DCAF1: variants seen among roughly 807,000 people sequenced by gnomAD.
DCAF1 encodes the protein DDB1 and CUL4 associated factor 1, also known as DDB1- and CUL4-associated factor 1.
Under a neutral mutation model 128.0 loss-of-function variants are expected in DCAF1, and 15 were observed. The ratio of observed to expected loss-of-function variants is 0.12; its 90% CI spans 0.08 to 0.18. The LOEUF (loss-of-function observed/expected upper bound fraction) is 0.18. DCAF1 is among the 10% of genes least tolerant of loss of function. The probability of loss-of-function intolerance (pLI) is 1.00; values close to 1 mark genes in which losing one functional copy is unlikely to be tolerated. For missense variants in DCAF1, 988 were observed against 1,649.5 expected, an observed-to-expected ratio of 0.60 and a Z score of 6.95; for synonymous variants, 610 against 603.0, an observed-to-expected ratio of 1.01 and a Z score of -0.17.
chr3:51,480,158 T>C (rs1335572694), intron 3 of DCAF1, among the ~76,000 whole-genome samples: 1 of 149,826 alleles, frequency 6.7e-6, no homozygotes, highest in Non-Finnish European at 1.5e-5. Flanking sequence ...CAAACCTACC[T>C]ATGAAAGTCA....
Position 51,418,782 on chromosome 3 carries a change from C to T in DCAF1, c.3331G>A (p.Gly1111Ser). Residue 1111 changes from glycine to serine, a missense_variant, in exon 16 of 25, where the codon GGC (glycine) becomes AGC (serine). Coordinates refer to ENST00000684031, the MANE Select transcript of DCAF1 (RefSeq NM_001387579.1). ...AGCTTCAGCTGCCCTGTGCAGGTGCCAAGCATCAGGAACCGCTCCCGTGCT... is the reference window on the plus strand; with the variant it reads ...AGCTTCAGCTGCCCTGTGCAGGTGCTAAGCATCAGGAACCGCTCCCGTGCT... ...FSARERFLMLGTCTGQLKLYN... is the reference protein window; with the variant it reads ...FSARERFLMLSTCTGQLKLYN... 1.2e-6 allele frequency: 2 copies of T among 1,613,998 alleles called. No homozygotes were observed. Among genetic ancestry groups the T allele is most frequent in the Non-Finnish European group, 1.7e-6 (2 of 1,179,896 alleles).
chr3:51,447,136 G>A (rs1479261272), intron 6 of DCAF1, among the ~76,000 whole-genome samples: 1 of 151,970 alleles, frequency 6.6e-6, no homozygotes, highest in Non-Finnish European at 1.5e-5. Flanking sequence ...GCTGGGCATG[G>A]TGGCTCATGC....
At chr3:51,485,209 C>T (rs1706791680) in intron 2 of DCAF1, among the ~76,000 whole-genome samples, 1 of 152,200 alleles carries the variant, frequency 6.6e-6, no homozygotes, top group Non-Finnish European at 1.5e-5. Context: ...CCCACCGCGC[C>T]CAGCTCTGTT....
chr3:51,458,948 C>T (rs1393060714), intron 6 of DCAF1, among the ~76,000 whole-genome samples: 1 of 151,996 alleles, frequency 6.6e-6, no homozygotes, highest in African/African-American at 2.4e-5. Context: ...ACTAAATGCC[C>T]ACAAGAGAAA....
chr3:51,453,976 T>C (rs1354034491), intron 6 of DCAF1, among the ~76,000 whole-genome samples: 6 of 150,610 alleles, frequency 4.0e-5, no homozygotes, highest in Non-Finnish European at 8.9e-5. Flanking sequence ...AAGCAAGCTA[T>C]GGGACATACG....
At chr3:51,455,755 G>C (rs1289401367) in intron 6 of DCAF1, among the ~76,000 whole-genome samples, 2 of 152,084 alleles carry the variant, frequency 1.3e-5, no homozygotes, top group African/African-American at 2.4e-5. Context: ...AAATTTGCCA[G>C]GCATGGTGGC....
At chr3:51,497,038 T>C (rs1708302009) in intron 1 of DCAF1, among the ~76,000 whole-genome samples, 2 of 152,192 alleles carry the variant, frequency 1.3e-5, no homozygotes, top group African/African-American at 4.8e-5. Flanking sequence ...CTCATGCCTG[T>C]AATCCTAGCA....
intron 5 of DCAF1, among the ~76,000 whole-genome samples, chr3:51,466,358 T>A (rs1448636292): frequency 6.6e-6 from 1 of 152,070 alleles, no homozygotes; most frequent in African/African-American, 2.4e-5. Context: ...AACAAACCTA[T>A]CAGCCACAAT....
At chr3:51,477,091 C>CA (rs879983513) in intron 3 of DCAF1, among the ~76,000 whole-genome samples, 21 of 151,452 alleles carry the variant, frequency 1.4e-4, no homozygotes, top group Admixed American at 2.6e-4. Flanking sequence ...CAAAACAAAA[C>CA]AAAAAAAAGC....
intron 6 of DCAF1, among the ~76,000 whole-genome samples, chr3:51,461,204 C>T (rs1156498733): frequency 1.3e-5 from 2 of 151,858 alleles, no homozygotes; most frequent in Non-Finnish European, 2.9e-5. Context: ...TGAACTCAAA[C>T]AAATTTATAA....
upstream of DCAF1, among the ~76,000 whole-genome samples, chr3:51,503,584 A>T (rs1708870815): frequency 6.6e-6 from 1 of 152,128 alleles, no homozygotes; most frequent in Non-Finnish European, 1.5e-5. Flanking sequence ...GCTAGACAAG[A>T]CTGCTACTGC....
intron 2 of DCAF1, among the ~76,000 whole-genome samples, chr3:51,485,859 A>C (rs1319886690): frequency 2.6e-5 from 4 of 151,330 alleles, no homozygotes; most frequent in African/African-American, 9.7e-5. Flanking sequence ...TACCCCAAAA[A>C]TTGAACAAAA....
rs1222481665 is a variant in DCAF1 at position 51,403,400 on chromosome 3, T to G, written c.4213-5A>C. 2.6e-6 allele frequency: 4 copies of G among 1,551,920 alleles called. No homozygotes were observed. Among genetic ancestry groups the G allele is most frequent in the Non-Finnish European group, 3.5e-6 (4 of 1,147,020 alleles). On this transcript the variant is annotated splice_polypyrimidine_tract_variant and splice_region_variant and intron_variant, in intron 23 of 24. Transcript: ENST00000684031. The stretch of plus-strand genomic sequence containing the variant: ...TTCCTCCTGTTCTTCCTCTTCCTGG[T>G]AAGAAAGCGTAATGTTCATTAGTAC...
At chr3:51,497,612 T>A (rs1269094379) in intron 1 of DCAF1, among the ~76,000 whole-genome samples, 9 of 149,616 alleles carry the variant, frequency 6.0e-5, no homozygotes, top group African/African-American at 2.2e-4. Context: ...AAATTTTTTT[T>A]AAATTGACAG....
chr3:51,430,702 C>A (rs982606528), intron 10 of DCAF1, among the ~76,000 whole-genome samples: 5 of 152,130 alleles, frequency 3.3e-5, no homozygotes, highest in Non-Finnish European at 5.9e-5. Flanking sequence ...TTTTCTCTAT[C>A]TTAGCCATAA....
intron 2 of DCAF1, among the ~76,000 whole-genome samples, chr3:51,493,240 GTTT>G: frequency 6.6e-6 from 1 of 151,634 alleles, no homozygotes; most frequent in African/African-American, 2.4e-5. Context: ...GAGGTCGGGA[GTTT>G]AAGACCAGCC....
intron 1 of DCAF1, among the ~76,000 whole-genome samples, chr3:51,497,228 G>A (rs1553661402): frequency 1.3e-5 from 2 of 152,170 alleles, no homozygotes; most frequent in Non-Finnish European, 2.9e-5. Flanking sequence ...CTGGGAGGCA[G>A]AGGTTACAGT....
chr3:51,403,359 C>A lies in DCAF1; in HGVS notation c.4249G>T (p.Asp1417Tyr). ...EEQEEEDDDE[D>Y]DDDTDDLDEL... is the part of the protein sequence containing the mutation. ...TCTAAATCATCGGTGTCATCATCAT[C>A]TTCATCATCATCTTCTTCCTCCTGT... Residue 1417 changes from aspartate (D) to tyrosine (Y), a missense_variant, in exon 24 of 25, where the codon GAT (aspartate) becomes TAT (tyrosine). Physicochemically the swap from Asp to Tyr is radical, Grantham distance 160 (BLOSUM62 -3). Transcript: ENST00000684031. The A allele has an allele frequency of 6.4e-7, 1 of 1,553,784 alleles. No homozygotes were observed. The highest frequency in any genetic ancestry group is 8.7e-7 in the Non-Finnish European group (1 of 1,147,988).
chr3:51,451,372 T>C (rs1702335443), intron 6 of DCAF1, among the ~76,000 whole-genome samples: 1 of 152,020 alleles, frequency 6.6e-6, no homozygotes, highest in Non-Finnish European at 1.5e-5. Context: ...TGCCAGCACC[T>C]TGGGAAACCA....
Sources: allele counts gnomAD v4.1 joint callset (sites outside exome capture counted in the v4.1 genomes callset), GRCh38; gene constraint gnomAD v4.1.1; transcripts MANE v1.5; gene names NCBI Gene and HGNC (gene_info 2026-07-23, HGNC 2026-07-21).